The following PCDHGA3 variants were observed in gnomAD, a reference collection of about 807,000 sequenced individuals.
PCDHGA3 encodes the protein protocadherin gamma-A3.
PCDHGA3 carries 40 observed loss-of-function variants against 58.5 expected under a neutral mutation model. The ratio of observed to expected loss-of-function variants is 0.68; its 90% CI spans 0.53 to 0.89. The LOEUF is 0.89. Among genes scored for constraint, PCDHGA3 ranks in the 40% least tolerant of loss-of-function variants. PCDHGA3 has a pLI of 0.00. For synonymous variants in PCDHGA3, 530 were observed against 525.7 expected (o/e 1.01, Z -0.11); for missense variants, 1,223 against 1,195.9 (o/e 1.02, Z -0.33).
At chr5:141,438,591 C>CATATATATATATAT (rs946798767) in intron 1 of PCDHGA3, among the ~76,000 whole-genome samples, 3 of 75,556 alleles carry the variant, frequency 4.0e-5, no homozygotes, top group Non-Finnish European at 8.0e-5. Context: ...TACATACATA[C>CATATATATATATAT]ATATATATAT....
Position 141,345,286 on chromosome 5 carries a change from A to G in PCDHGA3, c.1253A>G (p.Tyr418Cys), listed in dbSNP as rs753585552. ...TSLDREQISE[Y>C]NISLRASDGG... ...CTGGACCGCGAACAAATATCAGAAT[A>G]TAACATTAGTCTGAGAGCCTCAGAT... Residue 418 changes from tyrosine to cysteine, a missense_variant, in exon 1 of 4, where the codon TAT becomes TGT. Physicochemically the swap from Tyr to Cys is radical, Grantham distance 194 (BLOSUM62 -2). Around this residue, in one of 3 missense-constraint regions of PCDHGA3, gnomAD observed 791 missense variants for 708.5 expected, o/e 1.12. Coordinates refer to ENST00000253812, the MANE Select transcript of PCDHGA3 (RefSeq NM_018916.4). The G allele has an allele frequency of 1.2e-5, 19 of 1,613,904 alleles. No homozygotes were observed. Among genetic ancestry groups the G allele is most frequent in the Non-Finnish European group, 1.4e-5 (17 of 1,179,910 alleles).
chr5:141,413,042 G>T, intron 1 of PCDHGA3: 1 of 857,566 alleles, frequency 1.2e-6, no homozygotes, highest in Non-Finnish European at 1.7e-6. Context: ...CTGCTGGGCT[G>T]CAGGGAAGCT....
chr5:141,364,239 T>G (rs1763233017), intron 1 of PCDHGA3: 2 of 1,440,110 alleles, frequency 1.4e-6, no homozygotes, highest in African/African-American at 2.9e-5. Context: ...CACGCCCATT[T>G]TCGTCAGGGA....
At chr5:141,376,059 C>A (rs761483041) in intron 1 of PCDHGA3, 1 of 1,613,280 alleles carries the variant, frequency 6.2e-7, no homozygotes, top group Admixed American at 1.7e-5. Context: ...GCCACTGTCA[C>A]GCTCACCGTG....
At chr5:141,497,839 A>G (rs1399696596) in intron 2 of PCDHGA3, among the ~76,000 whole-genome samples, 1 of 152,044 alleles carries the variant, frequency 6.6e-6, no homozygotes, top group East Asian at 1.9e-4. Flanking sequence ...CCCGGCCACA[A>G]CAAACATTTT....
intron 1 of PCDHGA3, chr5:141,357,517 C>G: frequency 2.5e-6 from 4 of 1,614,246 alleles, no homozygotes; most frequent in Non-Finnish European, 3.4e-6. Context: ...CTTCTCCCAA[C>G]CCAGCTATGC....
intron 1 of PCDHGA3, among the ~76,000 whole-genome samples, chr5:141,347,147 CTTTCTTT>C (rs1757905827): frequency 7.7e-6 from 1 of 129,464 alleles, no homozygotes; most frequent in Non-Finnish European, 1.7e-5. Flanking sequence ...CTCTTTCTTT[CTTTCTTT>C]CTTTCTTTCT....
Position 141,490,004 on chromosome 5 carries a change from C to T in PCDHGA3, c.2425-4803C>T. On this transcript the variant is annotated intron_variant, in intron 1 of 3. Coordinates refer to ENST00000253812, the MANE Select transcript of PCDHGA3 (RefSeq NM_018916.4). This position sits in a 1 kb window ranked among gnomAD's most constrained non-coding sequence, Gnocchi z 5.4. ...CTACGTGTGGGAATCCCAGAGAATG[C>T]ACCCATTGGTACTCTGCTGCTCCGC... The T allele has an allele frequency of 1.9e-6, 3 of 1,614,174 alleles. No individual in the cohort carries two copies. Among genetic ancestry groups the T allele is most frequent in the Non-Finnish European group, 2.5e-6 (3 of 1,179,980 alleles).
Position 141,432,809 on chromosome 5 carries a change from T to A in PCDHGA3, c.2425-61998T>A. ...CGGCAGCCTCGAGTCTCCAGCTAAC[T>A]CTGAAACCTCAGACCTCACTCTGTA... is the stretch of plus-strand genomic sequence containing the variant. On this transcript the variant is annotated intron_variant, in intron 1 of 3. Coordinates refer to ENST00000253812, the MANE Select transcript of PCDHGA3 (RefSeq NM_018916.4). This position sits in a 1 kb window ranked among gnomAD's most constrained non-coding sequence, Gnocchi z 6.0. The A allele has an allele frequency of 6.2e-7, 1 of 1,613,398 alleles. No homozygotes were observed. Among genetic ancestry groups the A allele is most frequent in the Non-Finnish European group, 8.5e-7 (1 of 1,179,980 alleles).
In PCDHGA3 at chr5:141,366,106, A is replaced by G. The variant is rs375843095; in HGVS notation, c.2424+19649A>G. On this transcript the variant is annotated intron_variant, in intron 1 of 3. Coordinates refer to ENST00000253812, the MANE Select transcript of PCDHGA3 (RefSeq NM_018916.4). ...CTGGCTACCTGGTGACCAAGGTGGTAGCGGTGGACAAAGATTCAGGCCAGA... is the reference window on the plus strand; with the variant it reads ...CTGGCTACCTGGTGACCAAGGTGGTGGCGGTGGACAAAGATTCAGGCCAGA... 739 of 1,614,224 alleles carry G rather than the reference A, an allele frequency of 4.6e-4. No homozygotes were observed. In the Middle Eastern group the frequency reaches 5.3e-3, roughly 12 times the overall value.
At chr5:141,388,625 C>T (rs1417837696) in intron 1 of PCDHGA3, 2 of 1,613,794 alleles carry the variant, frequency 1.2e-6, no homozygotes, top group Non-Finnish European at 1.7e-6. Context: ...AAGACGTATA[C>T]AGGGTGAGCC....
At chr5:141,429,610 T>C (rs2097228693) in intron 1 of PCDHGA3, among the ~76,000 whole-genome samples, 2 of 152,230 alleles carry the variant, frequency 1.3e-5, no homozygotes, top group African/African-American at 4.8e-5. Flanking sequence ...AACTCAATTT[T>C]ATGTCTGATA....
intron 1 of PCDHGA3, among the ~76,000 whole-genome samples, chr5:141,348,695 T>A (rs1758162942): frequency 6.6e-6 from 1 of 152,094 alleles, no homozygotes; most frequent in African/African-American, 2.4e-5. Flanking sequence ...TTTTGAAGAA[T>A]GGGCAAGAAT....
Position 141,345,112 on chromosome 5 carries a change from G to T in PCDHGA3, c.1079G>T (p.Gly360Val). Reference sequence around the variant, plus strand: ...CTCACAAGCTCAGTCCCAGAAGAGGGCACCGTTGGAAGAGAAATTGCTCTT... The same window carrying T: ...CTCACAAGCTCAGTCCCAGAAGAGGTCACCGTTGGAAGAGAAATTGCTCTT... ...TSLTSSVPEEGTVGREIALID... is the reference protein window; with the variant it reads ...TSLTSSVPEEVTVGREIALID... Residue 360 changes from glycine to valine, a missense_variant, in exon 1 of 4, where the codon GGC becomes GTC. Physicochemically the swap from Gly to Val is moderately radical, Grantham distance 109. Around this residue, in one of 3 missense-constraint regions of PCDHGA3, gnomAD observed 791 missense variants for 708.5 expected, o/e 1.12. Transcript: ENST00000253812. 1 of 1,613,964 alleles carries T rather than the reference G, an allele frequency of 6.2e-7. No individual in the cohort carries two copies. Among genetic ancestry groups the T allele is most frequent in the Non-Finnish European group, 8.5e-7 (1 of 1,179,884 alleles).
rs934674909 is a variant in PCDHGA3, at chr5:141,511,083, A to C, written c.2709A>C (p.Thr903=). Residue 903 remains threonine, a synonymous_variant, in exon 4 of 4, where the codon ACA becomes ACC. Transcript: ENST00000253812. The part of the protein sequence containing the change: ...QNVYIPGSNA[T]LTNAAGKRDG... Reference sequence around the variant, plus strand: ...TCTACATCCCAGGCAGCAATGCCACACTGACCAACGCAGCTGGCAAGCGGG... The same window carrying C: ...TCTACATCCCAGGCAGCAATGCCACCCTGACCAACGCAGCTGGCAAGCGGG... 1.2e-6 allele frequency: 2 copies of C among 1,614,108 alleles called. No homozygotes were observed. Among genetic ancestry groups the C allele is most frequent in the African/African-American group, 2.7e-5 (2 of 74,940 alleles).
Position 141,490,330 on chromosome 5 carries a change from C to T in PCDHGA3, c.2425-4477C>T, listed in dbSNP as rs2099698666. ...GGCCAACCCTGTCCTAGAGAGCACA[C>T]CAGTGGGCACAGTAGTGGGGTTGTT... is the stretch of plus-strand genomic sequence containing the variant. On this transcript the variant is annotated intron_variant, in intron 1 of 3. Transcript: ENST00000253812. The surrounding 1 kb of genome is among the most constrained non-coding windows in gnomAD (Gnocchi z 5.4). 6.2e-7 allele frequency: 1 copy of T among 1,614,080 alleles called. No individual in the cohort carries two copies. Among genetic ancestry groups the T allele is most frequent in the Non-Finnish European group, 8.5e-7 (1 of 1,180,042 alleles).
chr5:141,434,509 T>C (rs1480014539), intron 1 of PCDHGA3, among the ~76,000 whole-genome samples: 3 of 152,232 alleles, frequency 2.0e-5, no homozygotes, highest in Non-Finnish European at 4.4e-5. Context: ...AGAAAACTGC[T>C]TAAAGGTGTT....
At chr5:141,500,184 T>TTATA (rs530565701) in intron 2 of PCDHGA3, among the ~76,000 whole-genome samples, 2 of 135,886 alleles carry the variant, frequency 1.5e-5, no homozygotes, top group Non-Finnish European at 3.2e-5. Flanking sequence ...TCATTTTTAT[T>TTATA]TTTATTTATT....
At chr5:141,426,775 A>G (rs2096959432) in intron 1 of PCDHGA3, 1 of 456,496 alleles carries the variant, frequency 2.2e-6, no homozygotes, top group South Asian at 1.5e-5. Context: ...GTAGGGCCTC[A>G]CTCTCTCCAG....
Sources: gnomAD v4.1 joint callset for allele counts (sites outside exome capture counted in the v4.1 genomes callset) on GRCh38, gnomAD v4.1.1 for gene constraint, gnomAD v4.1.1 regional missense constraint, Gnocchi (gnomAD v3.1) non-coding constraint, MANE v1.5 for transcripts, NCBI Gene and HGNC (gene_info 2026-07-23, HGNC 2026-07-21) for gene names.